Variants in KIAA1614 observed in about 807,000 individuals in gnomAD.
KIAA1614 encodes uncharacterized protein KIAA1614.
KIAA1614 carries 76 observed loss-of-function variants against 88.7 expected under a neutral mutation model. The observed-to-expected ratio is 0.86, with a 90% CI of 0.71 to 1.04. The LOEUF (loss-of-function observed/expected upper bound fraction) is 1.04. Among genes scored for constraint, KIAA1614 ranks in the 50% least tolerant of loss-of-function variants. KIAA1614 has a pLI of 0.00. For synonymous variants in KIAA1614, 714 were observed against 675.5 expected (o/e 1.06, Z -0.88); for missense variants, 1,553 against 1,582.5 (o/e 0.98, Z 0.32).
chr1:180,915,579 A>G (rs1375148264), intron 1 of KIAA1614, among the ~76,000 whole-genome samples: 1 of 152,194 alleles, frequency 6.6e-6, no homozygotes, highest in East Asian at 1.9e-4. Flanking sequence ...AAAAAATTCA[A>G]CAATAACTTA....
rs1654717869 is a variant in KIAA1614, at chr1:180,951,080, A to G, written c.*5492A>G. 1 of 152,212 alleles carries G rather than the reference A, an allele frequency of 6.6e-6. No individual in the cohort carries two copies. The highest frequency in any genetic ancestry group is 2.4e-5 in the African/African-American group (1 of 41,448). 9.4% of individuals were successfully genotyped at this position (152,212 alleles called of 1,614,324 possible). A position where few individuals can be genotyped will look rare whatever the true frequency, so the allele number is the denominator to read the frequency against. The stretch of plus-strand genomic sequence containing the variant: ...GCCATTGACCATATATGCCAAACCA[A>G]AATCAGAACGTGTGGTCTGGCAGGA... On this transcript the variant is annotated 3_prime_UTR_variant, in exon 9 of 9. Transcript: ENST00000367588.
chr1:180,916,342 C>G lies in KIAA1614; in HGVS notation c.239C>G (p.Pro80Arg), dbSNP rs201907347. The G allele has an allele frequency of 1.9e-6, 3 of 1,614,132 alleles. No individual in the cohort carries two copies. The highest frequency in any genetic ancestry group is 1.7e-6 in the Non-Finnish European group (2 of 1,180,022). Reference sequence around the variant, plus strand: ...GTATGGGGAGTACAGCTCCAGGGCCCCTCTGTGCTGGAATCCAAGGTGAGG... The same window carrying G: ...GTATGGGGAGTACAGCTCCAGGGCCGCTCTGTGCTGGAATCCAAGGTGAGG... ...PRVWGVQLQG[P>R]SVLESKVRAL... is the part of the protein sequence containing the mutation. The change falls in exon 2 of 9, where the codon CCC becomes CGC. Residue 80 changes from proline (P) to arginine (R), a missense_variant. Pro to Arg is a moderately radical substitution (Grantham distance 103, BLOSUM62 -2). Coordinates refer to ENST00000367588, the MANE Select transcript of KIAA1614 (RefSeq NM_020950.2).
chr1:180,938,710 A>G lies in KIAA1614; in HGVS notation c.2917A>G (p.Arg973Gly), dbSNP rs1223835043. ...AGGATCTGGAGGACATGTGCTGTCA[A>G]GGTGAGTGACAGGAGAAAGAGCCAG... ...GSGSGGHVLS[R>G]ASAGAGTGPG... The change falls in exon 6 of 9, where the codon AGA becomes GGA. Residue 973 changes from arginine to glycine, a missense_variant and splice_region_variant. Coordinates refer to ENST00000367588, the MANE Select transcript of KIAA1614 (RefSeq NM_020950.2). The G allele has an allele frequency of 6.2e-7, 1 of 1,613,568 alleles. No homozygotes were observed. The highest frequency in any genetic ancestry group is 2.2e-5 in the East Asian group (1 of 44,880).
rs1284047899 is a variant in KIAA1614, at chr1:180,936,460, G to T, written c.2551G>T (p.Val851Phe). ...CCCTCGGCCTCCTTCAAGAAGCGCG[G>T]TTCTCAGGACCTGTGAGCTGCCCCC... is the stretch of plus-strand genomic sequence containing the variant. The part of the protein sequence containing the change: ...GIPRPPSRSA[V>F]LRTCELPPSQ... The change falls in exon 5 of 9, where the codon GTT becomes TTT. Residue 851 changes from valine to phenylalanine, a missense_variant. By Grantham distance (50) the Val-to-Phe change is conservative (BLOSUM62 -1). Coordinates refer to ENST00000367588, the MANE Select transcript of KIAA1614 (RefSeq NM_020950.2). 6.2e-7 allele frequency: 1 copy of T among 1,613,984 alleles called. No individual in the cohort carries two copies. The highest frequency in any genetic ancestry group is 8.5e-7 in the Non-Finnish European group (1 of 1,179,926).
chr1:180,942,878 A>G (rs923650089), intron 7 of KIAA1614, among the ~76,000 whole-genome samples: 5 of 152,232 alleles, frequency 3.3e-5, no homozygotes, highest in Non-Finnish European at 7.3e-5. Flanking sequence ...TAAATTTTCA[A>G]GAACTGAAAA....
Position 180,950,398 on chromosome 1 carries a change from G to C in KIAA1614, c.*4810G>C. 1 of 1,234,792 alleles carries C rather than the reference G, an allele frequency of 8.1e-7. No individual in the cohort carries two copies. The allele number at this position is 1,234,792 out of a possible 1,614,324, so 76.5% of individuals were successfully genotyped here. ...TGGCCAAGCTGTACTCAGGGCTGCT[G>C]GGGGTGGGCGATGAGATCCTCGAGG... is the stretch of plus-strand genomic sequence containing the variant. On this transcript the variant is annotated 3_prime_UTR_variant, in exon 9 of 9. Transcript: ENST00000367588.
intron 4 of KIAA1614, among the ~76,000 whole-genome samples, chr1:180,933,983 G>A (rs149591125): frequency 0.011 from 1,309 of 114,122 alleles, 14 homozygotes; most frequent in African/African-American, 0.033. Context: ...GGCCGGGTGC[G>A]GTGGCTCACG....
rs1045200438 is a variant in KIAA1614, at chr1:180,912,996, G to C, written c.-248G>C. On this transcript the variant is annotated 5_prime_UTR_variant, in exon 1 of 9. Coordinates refer to ENST00000367588, the MANE Select transcript of KIAA1614 (RefSeq NM_020950.2). The surrounding 1 kb of genome is among the most constrained non-coding windows in gnomAD (Gnocchi z 5.1). ...CGACCCCGCTTCCCGTCCTCTCGCC[G>C]GGAGGGAGTGCGGCCCGTGGGGCGC... 4.3e-4 allele frequency among the ~76,000 whole-genome samples: 66 copies of C among 151,910 alleles called. 1 individual carries two copies. The highest frequency in any genetic ancestry group is 8.7e-4 in the Non-Finnish European group (59 of 67,868).
At chr1:180,928,883 G>A (rs1302318848) in intron 4 of KIAA1614, among the ~76,000 whole-genome samples, 2 of 152,240 alleles carry the variant, frequency 1.3e-5, no homozygotes, top group Non-Finnish European at 2.9e-5. Flanking sequence ...GTGTGAGAGA[G>A]GAAAAGTGTG....
In KIAA1614 at chr1:180,938,555, G is replaced by A; in HGVS notation, c.2762G>A (p.Gly921Glu). The change falls in exon 6 of 9, where the codon GGA becomes GAA. Residue 921 changes from glycine (G) to glutamate (E), a missense_variant and splice_region_variant. Coordinates refer to ENST00000367588, the MANE Select transcript of KIAA1614 (RefSeq NM_020950.2). ...AGGTGGGATGCTGTGCTTGTTTCAGGAGGACCCCAGGGCTTTCTTGGCTCA... is the reference window on the plus strand; with the variant it reads ...AGGTGGGATGCTGTGCTTGTTTCAGAAGGACCCCAGGGCTTTCTTGGCTCA... ...PEPPLENSRD[G>E]GPQGFLGSAD... is the part of the protein sequence containing the mutation. The A allele has an allele frequency of 6.2e-7, 1 of 1,613,814 alleles. No individual in the cohort carries two copies. The highest frequency in any genetic ancestry group is 2.2e-5 in the East Asian group (1 of 44,878).
chr1:180,936,742 C>A, intron 5 of KIAA1614, 72 bp downstream of exon 5: 2 of 1,003,828 alleles, frequency 2.0e-6, no homozygotes, highest in Non-Finnish European at 2.8e-6. Flanking sequence ...CAGACCCAAT[C>A]CATGACACAC....
rs200317123 is a variant in KIAA1614 at position 180,916,562 on chromosome 1, C to T, written c.459C>T (p.Asp153=). The T allele has an allele frequency of 4.0e-4, 640 of 1,611,554 alleles. 4 individuals are homozygous for T. In the South Asian group the frequency reaches 4.6e-3, roughly 11 times the overall value. Reference sequence around the variant, plus strand: ...AAAACCTGCCTGATGGGCAGCTGGACGGCAGCATCAATGAGGAGCAACCCG... The same window carrying T: ...AAAACCTGCCTGATGGGCAGCTGGATGGCAGCATCAATGAGGAGCAACCCG... ...RTQNLPDGQL[D]GSINEEQPAR... The change falls in exon 2 of 9, where the codon GAC becomes GAT. Residue 153 remains aspartate (D), a synonymous_variant. Transcript: ENST00000367588.
In KIAA1614 at chr1:180,935,439, G is replaced by A. The variant is rs1358603035; in HGVS notation, c.1530G>A (p.Gly510=). The change falls in exon 5 of 9, where the codon GGG becomes GGA. Residue 510 remains glycine (G), a synonymous_variant. Transcript: ENST00000367588. The surrounding 1 kb of genome is among the most constrained non-coding windows in gnomAD (Gnocchi z 6.1). ...CCCGGCTCCGGGACGCGGGGCAGGGGACATTCCACAGGCTTGTGGGCAGCC... is the reference window on the plus strand; with the variant it reads ...CCCGGCTCCGGGACGCGGGGCAGGGAACATTCCACAGGCTTGTGGGCAGCC... ...GAPRLRDAGQ[G]TFHRLVGSLD... The A allele has an allele frequency of 6.8e-7, 1 of 1,479,694 alleles. No homozygotes were observed. 91.7% of individuals were successfully genotyped at this position (1,479,694 alleles called of 1,614,324 possible). A position where few individuals can be genotyped will look rare whatever the true frequency, so the allele number is the denominator to read the frequency against.
intron 3 of KIAA1614, among the ~76,000 whole-genome samples, chr1:180,921,295 G>T (rs1455084629): frequency 6.6e-6 from 1 of 152,198 alleles, no homozygotes; most frequent in African/African-American, 2.4e-5. Context: ...CATCAGGTAA[G>T]ATAGGAACCG....
intron 4 of KIAA1614, among the ~76,000 whole-genome samples, chr1:180,934,222 A>T (rs1048990503): frequency 1.4e-5 from 2 of 146,646 alleles, no homozygotes. Context: ...ATTGCACTCC[A>T]GCCTGGACAA....
intron 1 of KIAA1614, among the ~76,000 whole-genome samples, chr1:180,915,627 C>T (rs1239180483): frequency 6.6e-6 from 1 of 152,096 alleles, no homozygotes; most frequent in African/African-American, 2.4e-5. Flanking sequence ...TTTAAAAGTG[C>T]TTTCACGTTA....
At chr1:180,922,085 C>A (rs890164893) in intron 3 of KIAA1614, among the ~76,000 whole-genome samples, 1 of 152,248 alleles carries the variant, frequency 6.6e-6, no homozygotes, top group African/African-American at 2.4e-5. Context: ...CCGAGGCCCT[C>A]GGCCTCCTCG....
At chr1:180,929,338 G>A (rs1229425800) in intron 4 of KIAA1614, among the ~76,000 whole-genome samples, 1 of 152,134 alleles carries the variant, frequency 6.6e-6, no homozygotes, top group African/African-American at 2.4e-5. Flanking sequence ...ATGAGCCCAG[G>A]GTTCTGACTC....
Position 180,950,329 on chromosome 1 carries a change from T to C in KIAA1614, c.*4741T>C, listed in dbSNP as rs1011846799. On this transcript the variant is annotated 3_prime_UTR_variant, in exon 9 of 9. Coordinates refer to ENST00000367588, the MANE Select transcript of KIAA1614 (RefSeq NM_020950.2). ...GGTGTCATTGTGAAATTCTCCTGTT[T>C]TCCTCTGCAGGGATCTACGTGCAGG... The C allele has an allele frequency of 8.5e-7, 1 of 1,177,376 alleles. No individual in the cohort carries two copies. Among genetic ancestry groups the C allele is most frequent in the Non-Finnish European group, 1.1e-6 (1 of 932,150 alleles). 72.9% of individuals were successfully genotyped at this position (1,177,376 alleles called of 1,614,324 possible).
Sources: gnomAD v4.1 joint callset for allele counts (sites outside exome capture counted in the v4.1 genomes callset) on GRCh38, gnomAD v4.1.1 for gene constraint, Gnocchi (gnomAD v3.1) non-coding constraint, MANE v1.5 for transcripts, NCBI Gene and HGNC (gene_info 2026-07-23, HGNC 2026-07-21) for gene names.